The following ALPL variants were observed in gnomAD, a reference collection of about 807,000 sequenced individuals.
ALPL encodes the protein alkaline phosphatase, tissue-nonspecific isozyme.
Under a neutral mutation model 51.3 loss-of-function variants are expected in ALPL, and 42 were observed. The ratio of observed to expected loss-of-function variants is 0.82; its 90% confidence interval spans 0.64 to 1.06. The LOEUF is 1.06. ALPL is among the 50% of genes least tolerant of loss of function. The pLI is 0.00. For synonymous variants in ALPL, 279 were observed against 296.4 expected, an observed-to-expected ratio of 0.94 and a Z score of 0.60; for missense variants, 589 against 709.4, an observed-to-expected ratio of 0.83 and a Z score of 1.93.
intron 1 of ALPL, among the ~76,000 whole-genome samples, chr1:21,547,502 C>A (rs1212197919): frequency 6.6e-6 from 1 of 152,188 alleles, no homozygotes; most frequent in African/African-American, 2.4e-5. Context: ...TCTTCACTTG[C>A]CGCCTGGCCA....
At chr1:21,549,976 G>A (rs990751502) in intron 1 of ALPL, among the ~76,000 whole-genome samples, 2 of 152,326 alleles carry the variant, frequency 1.3e-5, no homozygotes, top group African/African-American at 4.8e-5. Flanking sequence ...GTGGAGAGAC[G>A]TGGTGTCTTC....
At chr1:21,515,172 T>C (rs1184168072) in intron 1 of ALPL, among the ~76,000 whole-genome samples, 2 of 152,190 alleles carry the variant, frequency 1.3e-5, no homozygotes, top group African/African-American at 2.4e-5. Flanking sequence ...TCAGCAAATA[T>C]TTTATGTTCT....
chr1:21,513,637 C>T (rs771227389), intron 1 of ALPL, among the ~76,000 whole-genome samples: 13 of 152,282 alleles, frequency 8.5e-5, no homozygotes, highest in Non-Finnish European at 1.2e-4. Context: ...CTGCTGTGTG[C>T]TGGGTTATGG....
At chr1:21,534,437 C>T (rs562913243) in intron 1 of ALPL, among the ~76,000 whole-genome samples, 2 of 152,276 alleles carry the variant, frequency 1.3e-5, no homozygotes, top group African/African-American at 2.4e-5. Flanking sequence ...TAGAGAGCCA[C>T]AGGGGCTCTG....
chr1:21,543,812 G>T (rs1009080685), intron 1 of ALPL, among the ~76,000 whole-genome samples: 2 of 152,206 alleles, frequency 1.3e-5, no homozygotes, highest in Admixed American at 1.3e-4. Flanking sequence ...GCAAATACCT[G>T]ACCCTGTGAG....
rs552831415 is a variant in ALPL at position 21,575,855 on chromosome 1, G to A, written c.1120G>A (p.Val374Met). 8 of 1,614,242 alleles carry A rather than the reference G, an allele frequency of 5.0e-6. No individual in the cohort carries two copies. The East Asian group carries it at 8.9e-5, about 18-fold the overall frequency. ...GACCTCCTCGGAAGACACTCTGACC[G>A]TGGTCACTGCGGACCATTCCCACGT... ...SLTSSEDTLTVVTADHSHVFT... is the reference protein window; with the variant it reads ...SLTSSEDTLTMVTADHSHVFT... Residue 374 changes from valine to methionine, a missense_variant, in exon 10 of 12, where the codon GTG becomes ATG. Transcript: ENST00000374840.
At chr1:21,549,488 T>C (rs1049288532) in intron 1 of ALPL, among the ~76,000 whole-genome samples, 1 of 152,030 alleles carries the variant, frequency 6.6e-6, no homozygotes, top group East Asian at 1.9e-4. Flanking sequence ...TTTTTTTTTT[T>C]TCTGAGATGG....
In ALPL at chr1:21,568,238, G is replaced by T; in HGVS notation, c.783G>T (p.Pro261=). 6.2e-7 allele frequency: 1 copy of T among 1,614,086 alleles called. No homozygotes were observed. The change falls in exon 7 of 12, where the codon CCG becomes CCT. Residue 261 remains proline (P), a synonymous_variant. Transcript: ENST00000374840. ...DLVDTWKSFK[P]RYKHSHFIWN... is the part of the protein sequence containing the mutation. Reference sequence around the variant, plus strand: ...TTGACACCTGGAAGAGCTTCAAACCGAGATACAAGGTAGCCTGTGCTGGGG... The same window carrying T: ...TTGACACCTGGAAGAGCTTCAAACCTAGATACAAGGTAGCCTGTGCTGGGG...
intron 1 of ALPL, among the ~76,000 whole-genome samples, chr1:21,533,935 A>AAG (rs748396808): frequency 0.1 from 10,136 of 100,312 alleles, 408 homozygotes; most frequent in South Asian, 0.25. Flanking sequence ...AAAAAAAAAA[A>AAG]AAGAAGAAGA....
chr1:21,537,110 A>C (rs973792487), intron 1 of ALPL, among the ~76,000 whole-genome samples: 1 of 151,936 alleles, frequency 6.6e-6, no homozygotes, highest in Non-Finnish European at 1.5e-5. Context: ...GTTAGCCAGG[A>C]TGGTCTTGAT....
intron 1 of ALPL, among the ~76,000 whole-genome samples, chr1:21,516,872 C>A (rs1372634988): frequency 4.6e-5 from 7 of 152,090 alleles, no homozygotes. Context: ...ACAGATGCTC[C>A]TTGATTTACC....
chr1:21,572,647 A>G (rs749668886), intron 8 of ALPL, among the ~76,000 whole-genome samples: 1 of 152,102 alleles, frequency 6.6e-6, no homozygotes, highest in Admixed American at 6.6e-5. Flanking sequence ...CCCTGTGTGC[A>G]TGGGAGCTAT....
intron 1 of ALPL, among the ~76,000 whole-genome samples, chr1:21,526,798 G>T (rs919524964): frequency 1.3e-5 from 2 of 151,936 alleles, no homozygotes; most frequent in Non-Finnish European, 2.9e-5. Context: ...ATTTCAATTT[G>T]TTCTGCTTTT....
At chr1:21,541,756 T>C (rs1233250108) in intron 1 of ALPL, among the ~76,000 whole-genome samples, 1 of 152,138 alleles carries the variant, frequency 6.6e-6, no homozygotes, top group Non-Finnish European at 1.5e-5. Context: ...TTGGACAGCA[T>C]GGGACATTCT....
chr1:21,544,635 A>C (rs1206622120), intron 1 of ALPL, among the ~76,000 whole-genome samples: 7 of 152,188 alleles, frequency 4.6e-5, no homozygotes, highest in African/African-American at 1.4e-4. Flanking sequence ...AGTCCCAGCT[A>C]CTCAGGAGGC....
chr1:21,533,896 C>A (rs1644062102), intron 1 of ALPL, among the ~76,000 whole-genome samples: 1 of 139,666 alleles, frequency 7.2e-6, no homozygotes, highest in Non-Finnish European at 1.5e-5. Context: ...TCACTCTGGC[C>A]TGGGTGACAA....
chr1:21,512,383 G>A (rs1441437019), intron 1 of ALPL, among the ~76,000 whole-genome samples: 2 of 152,156 alleles, frequency 1.3e-5, no homozygotes, highest in African/African-American at 4.8e-5. Context: ...TTGCAGGGTC[G>A]CAAGATCATA....
Position 21,551,719 on chromosome 1 carries a change from G to GTTTTTTTTTTTTT in ALPL, c.-104-2245_-104-2233dup, listed in dbSNP as rs397861981. Among the ~76,000 whole-genome samples the GTTTTTTTTTTTTT allele has an allele frequency of 7.0e-4, 43 of 61,444 alleles. 5 individuals carry two copies. The highest frequency in any genetic ancestry group is 1.1e-3 in the Non-Finnish European group (37 of 33,676). The allele number at this position is 61,444 out of a possible 152,430, so 40.3% of individuals were successfully genotyped here. ...CTGGCACTGGAGCGCAGCTTGCGTG[G>GTTTTTTTTTTTTT]TTTTTTTTTTTTTTTTTTTTTTTTT... On this transcript the variant is annotated intron_variant, in intron 1 of 11. Coordinates refer to ENST00000374840, the MANE Select transcript of ALPL (RefSeq NM_000478.6).
rs1558549710 is a variant in ALPL, at chr1:21,564,091, A to C, written c.523A>C (p.Ser175Arg). The change falls in exon 6 of 12, where the codon AGC becomes CGC. Residue 175 changes from serine (S) to arginine (R), a missense_variant. Transcript: ENST00000374840. This position sits in a 1 kb window ranked among gnomAD's most constrained non-coding sequence, Gnocchi z 5.8. Reference sequence around the variant, plus strand: ...CACGAGAGTGAACCATGCCACCCCCAGCGCCGCCTACGCCCACTCGGCTGA... The same window carrying C: ...CACGAGAGTGAACCATGCCACCCCCCGCGCCGCCTACGCCCACTCGGCTGA... ...TTTRVNHATP[S>R]AAYAHSADRD... 6.2e-7 allele frequency: 1 copy of C among 1,614,022 alleles called. No homozygotes were observed.
Sources: allele counts gnomAD v4.1 joint callset (sites outside exome capture counted in the v4.1 genomes callset), GRCh38; gene constraint gnomAD v4.1.1; non-coding constraint Gnocchi (gnomAD v3.1); transcripts MANE v1.5; gene names NCBI Gene and HGNC (gene_info 2026-07-23, HGNC 2026-07-21).